The following N4BP2L2 variants were observed in gnomAD, a reference collection of about 807,000 sequenced individuals.
The protein encoded by N4BP2L2 is NEDD4-binding protein 2-like 2.
In N4BP2L2, 50 loss-of-function variants were observed where a neutral mutation model predicts 56.2. The ratio of observed to expected loss-of-function variants is 0.89; its 90% CI spans 0.71 to 1.13. The LOEUF (loss-of-function observed/expected upper bound fraction) is 1.13. Among genes scored for constraint, N4BP2L2 ranks in the 50% most tolerant of loss-of-function variants. N4BP2L2 has a pLI of 0.00. For missense variants in N4BP2L2, 689 were observed against 693.8 expected (o/e 0.99, Z 0.08); for synonymous variants, 203 against 223.6 (o/e 0.91, Z 0.82).
rs1050978693 is a variant in N4BP2L2 at position 32,538,703 on chromosome 13, A to G, written c.-86T>C. 5.4e-5 allele frequency: 53 copies of G among 985,362 alleles called. No homozygotes were observed. The African/African-American group carries it at 8.9e-4, about 17-fold the overall frequency. The allele number at this position is 985,362 out of a possible 1,614,324, so 61.0% of individuals were successfully genotyped here. On this transcript the variant is annotated 5_prime_UTR_variant, in exon 1 of 6. Transcript: ENST00000267068. ...CGAACCTCTGTGAAGGTGAAAGAAA[A>G]GCGGAGACAGCACTAAAGCCGAGGT...
At chr13:32,471,817 C>A (rs901599051) in intron 6 of N4BP2L2, among the ~76,000 whole-genome samples, 1 of 152,260 alleles carries the variant, frequency 6.6e-6, no homozygotes, top group Admixed American at 6.5e-5. Flanking sequence ...CCTACAGCCC[C>A]TTGAGTGTTC....
At chr13:32,474,665 G>A (rs1003871048) in intron 6 of N4BP2L2, among the ~76,000 whole-genome samples, 8 of 152,176 alleles carry the variant, frequency 5.3e-5, no homozygotes, top group Non-Finnish European at 1.2e-4. Flanking sequence ...ACTGCACTCC[G>A]GCCTGGGCAA....
intron 6 of N4BP2L2, among the ~76,000 whole-genome samples, chr13:32,481,452 C>T (rs2084729430): frequency 6.6e-6 from 1 of 152,132 alleles, no homozygotes; most frequent in Non-Finnish European, 1.5e-5. Context: ...TAGTCTCTAA[C>T]TCAAATCACT....
intron 6 of N4BP2L2, among the ~76,000 whole-genome samples, chr13:32,491,631 A>AT (rs1393493337): frequency 1.1e-3 from 129 of 112,238 alleles, no homozygotes; most frequent in Non-Finnish European, 1.7e-3. Context: ...ATATATATAT[A>AT]TATATTTTTT....
chr13:32,495,435 C>T (rs746857927), intron 6 of N4BP2L2, among the ~76,000 whole-genome samples: 13 of 152,154 alleles, frequency 8.5e-5, no homozygotes, highest in Non-Finnish European at 1.5e-4. Context: ...CCCCCAGCCC[C>T]CAAAGTTGTA....
At chr13:32,442,588 G>A in exon 7 of N4BP2L2, 1 of 1,613,850 alleles carries the variant, frequency 6.2e-7, no homozygotes. Flanking sequence ...GACTCCCAAA[G>A]AGCACGAAGT....
At chr13:32,457,228 C>T (rs534421820) in intron 6 of N4BP2L2, among the ~76,000 whole-genome samples, 7 of 152,056 alleles carry the variant, frequency 4.6e-5, no homozygotes, top group Non-Finnish European at 8.8e-5. Context: ...ACCTACTTGG[C>T]ATATGGGACA....
downstream of N4BP2L2, chr13:32,507,020 A>G (rs1200369439): frequency 6.6e-6 from 1 of 152,138 alleles, no homozygotes; most frequent in Non-Finnish European, 1.5e-5. Context: ...ATATAGATAC[A>G]CTCACTGTGT....
At chr13:32,456,299 A>G (rs2078976399) in intron 6 of N4BP2L2, among the ~76,000 whole-genome samples, 1 of 152,186 alleles carries the variant, frequency 6.6e-6, no homozygotes, top group South Asian at 2.1e-4. Context: ...ATCATATGGA[A>G]ACTGCATGAC....
chr13:32,480,601 T>C lies in N4BP2L2; in HGVS notation c.366-36475A>G, dbSNP rs577822172. On this transcript the variant is annotated intron_variant, in intron 6 of 9. Transcript: ENST00000357505. ...AGTTTCCATCTCACCTGAGTTGCTG[T>C]CTTACTAGGAAACATTTGATATTTC... 3.7e-5 allele frequency: 48 copies of C among 1,286,012 alleles called. No homozygotes were observed. In the East Asian group the frequency reaches 2.3e-3, roughly 63 times the overall value. The allele number at this position is 1,286,012 out of a possible 1,614,324, so 79.7% of individuals were successfully genotyped here. A position where few individuals can be genotyped will look rare whatever the true frequency, so the allele number is the denominator to read the frequency against.
chr13:32,517,984 A>T lies in N4BP2L2; in HGVS notation c.1570T>A (p.Ser524Thr), dbSNP rs368042125. 39 of 1,613,432 alleles carry T rather than the reference A, an allele frequency of 2.4e-5. No individual in the cohort carries two copies. Among genetic ancestry groups the T allele is most frequent in the Admixed American group, 3.3e-5 (2 of 59,994 alleles). Residue 524 changes from serine to threonine, a missense_variant, in exon 6 of 6, where the codon TCT becomes ACT. Ser to Thr is a moderately conservative substitution (Grantham distance 58). Coordinates refer to ENST00000267068, the Ensembl canonical transcript of N4BP2L2. Reference sequence around the variant, plus strand: ...AACATCTGAGCAATCTTCTTTCGAGACACACCATGTTTATTCCTCCTAACA... The same window carrying T: ...AACATCTGAGCAATCTTCTTTCGAGTCACACCATGTTTATTCCTCCTAACA...
chr13:32,433,241 A>C (rs991603430), intron 9 of N4BP2L2, among the ~76,000 whole-genome samples: 72 of 152,380 alleles, frequency 4.7e-4, no homozygotes, highest in African/African-American at 1.4e-3. Context: ...TTAAAAATAA[A>C]TGCACTAATT....
At chr13:32,493,516 T>G (rs1289583023) in intron 6 of N4BP2L2, among the ~76,000 whole-genome samples, 1 of 152,192 alleles carries the variant, frequency 6.6e-6, no homozygotes, top group Non-Finnish European at 1.5e-5. Flanking sequence ...TAACTTCTCG[T>G]TTCTTTATGC....
intron 6 of N4BP2L2, among the ~76,000 whole-genome samples, chr13:32,494,089 T>C (rs2087858648): frequency 3.3e-5 from 5 of 152,076 alleles, no homozygotes; most frequent in African/African-American, 1.2e-4. Flanking sequence ...CCTGCTAACA[T>C]GGTGAAACAC....
chr13:32,465,615 A>C (rs1007659402), intron 6 of N4BP2L2, among the ~76,000 whole-genome samples: 3 of 152,200 alleles, frequency 2.0e-5, no homozygotes, highest in Non-Finnish European at 2.9e-5. Flanking sequence ...CATATGTAAA[A>C]CTATAATGCA....
chr13:32,449,436 T>G (rs996480536), intron 6 of N4BP2L2, among the ~76,000 whole-genome samples: 4 of 152,216 alleles, frequency 2.6e-5, no homozygotes, highest in African/African-American at 9.7e-5. Context: ...AATTCTTGAC[T>G]ACACATTACA....
intron 9 of N4BP2L2, among the ~76,000 whole-genome samples, chr13:32,435,966 CTA>C (rs2075423006): frequency 6.6e-6 from 1 of 152,110 alleles, no homozygotes; most frequent in African/African-American, 2.4e-5. Context: ...ATGAGTTTGT[CTA>C]TATGTTTTAC....
chr13:32,509,734 T>C (rs933508510), downstream of N4BP2L2, among the ~76,000 whole-genome samples: 3 of 152,202 alleles, frequency 2.0e-5, no homozygotes, highest in Non-Finnish European at 2.9e-5. Flanking sequence ...TATGTACTGC[T>C]TACCAGTTTC....
At chr13:32,487,225 G>A (rs1291889449) in intron 6 of N4BP2L2, among the ~76,000 whole-genome samples, 2 of 152,088 alleles carry the variant, frequency 1.3e-5, no homozygotes, top group Non-Finnish European at 2.9e-5. Context: ...TGTAGTCCCA[G>A]CTACTCTGGA....
Sources: allele counts gnomAD v4.1 joint callset (sites outside exome capture counted in the v4.1 genomes callset), GRCh38; gene constraint gnomAD v4.1.1; transcripts MANE v1.5; gene names NCBI Gene and HGNC (gene_info 2026-07-23, HGNC 2026-07-21).